Variants in MEAF6 observed in about 807,000 individuals in gnomAD.
The protein encoded by MEAF6 is chromatin modification-related protein MEAF6.
A neutral mutation model predicts 28.9 loss-of-function variants in MEAF6; 15 were observed. The observed-to-expected ratio is 0.52, with a 90% CI of 0.35 to 0.80. The LOEUF (loss-of-function observed/expected upper bound fraction) is 0.80. Ranked by LOEUF, MEAF6 falls within the 30% of genes least tolerant of loss-of-function variation. MEAF6 has a pLI of 0.01. For synonymous variants in MEAF6, 97 were observed against 88.7 expected, an observed-to-expected ratio of 1.09 and a Z score of -0.53; for missense variants, 178 against 237.5, an observed-to-expected ratio of 0.75 and a Z score of 1.65.
intron 4 of MEAF6, among the ~76,000 whole-genome samples, chr1:37,508,527 C>CT (rs1642562317): frequency 6.6e-6 from 1 of 151,958 alleles, no homozygotes; most frequent in Admixed American, 6.6e-5. Flanking sequence ...TCAAGCAATC[C>CT]TCCCACCTCT....
Position 37,494,210 on chromosome 1 carries a change from T to TC in MEAF6, c.568-104dup, listed in dbSNP as rs1307286489. On this transcript the variant is annotated intron_variant, in intron 6 of 6. Transcript: ENST00000296214. ...ATAAACAACTCTACTAGGGGACTGC[T>TC]CTATAGCTAAAGATTATATTTCAGG... 2.2e-5 allele frequency: 21 copies of TC among 946,270 alleles called. No homozygotes were observed. The African/African-American group carries it at 2.3e-4, about 10-fold the overall frequency. 58.6% of individuals were successfully genotyped at this position (946,270 alleles called of 1,614,324 possible).
Position 37,492,036 on chromosome 1 carries a change from T to A in MEAF6, c.*2063A>T, listed in dbSNP as rs1038193868. Among the ~76,000 whole-genome samples, 5 of 149,672 alleles carry A rather than the reference T, an allele frequency of 3.3e-5. No individual in the cohort carries two copies. The highest frequency in any genetic ancestry group is 2.1e-4 in the South Asian group (1 of 4,768). On this transcript the variant is annotated 3_prime_UTR_variant, in exon 7 of 7. Coordinates refer to ENST00000296214, the MANE Select transcript of MEAF6 (RefSeq NM_001270875.3). ...TCAAACTGTTAAGAGTCAAAAATATTTTTTTTTTTTGAGATGGAGTCTCGC... is the reference window on the plus strand; with the variant it reads ...TCAAACTGTTAAGAGTCAAAAATATATTTTTTTTTTGAGATGGAGTCTCGC...
At position 37,491,076 on chromosome 1, in the gene MEAF6, G is replaced by C. The variant is rs193066769; in HGVS notation, c.*3023C>G. Among the ~76,000 whole-genome samples the C allele has an allele frequency of 6.6e-6, 1 of 152,258 alleles. No individual in the cohort carries two copies. Among genetic ancestry groups the C allele is most frequent in the East Asian group, 1.9e-4 (1 of 5,178 alleles). On this transcript the variant is annotated 3_prime_UTR_variant, in exon 7 of 7. Transcript: ENST00000296214. ...GCCTCATTAATTTGGAGTAAGGTTGGGGGGCATAGAAGACAGAATAAATGC... is the reference window on the plus strand; with the variant it reads ...GCCTCATTAATTTGGAGTAAGGTTGCGGGGCATAGAAGACAGAATAAATGC...
intron 6 of MEAF6, among the ~76,000 whole-genome samples, chr1:37,494,602 G>A (rs778757892): frequency 3.3e-5 from 5 of 151,670 alleles, no homozygotes; most frequent in East Asian, 1.9e-4. Flanking sequence ...AGGCCCAGGC[G>A]GGCAGATCAC....
At chr1:37,504,711 G>A (rs1412523760) in intron 4 of MEAF6, among the ~76,000 whole-genome samples, 4 of 144,900 alleles carry the variant, frequency 2.8e-5, no homozygotes, top group Non-Finnish European at 6.0e-5. Context: ...GGTGGAGGTT[G>A]CAGTGAGCCA....
At position 37,492,222 on chromosome 1, in the gene MEAF6, GT is replaced by G. The variant is rs941109938; in HGVS notation, c.*1876del. Among the ~76,000 whole-genome samples, 20 of 151,982 alleles carry G rather than the reference GT, an allele frequency of 1.3e-4. No homozygotes were observed. The highest frequency in any genetic ancestry group is 4.1e-4 in the African/African-American group (17 of 41,358). On this transcript the variant is annotated 3_prime_UTR_variant, in exon 7 of 7. Coordinates refer to ENST00000296214, the MANE Select transcript of MEAF6 (RefSeq NM_001270875.3). ...TTTTTGCATTTTTAGTAGAGATGGGGTTTCACTGTGTTCGCCAGGATGGTCT... is the reference window on the plus strand; with the variant it reads ...TTTTTGCATTTTTAGTAGAGATGGGGTTCACTGTGTTCGCCAGGATGGTCT...
At chr1:37,504,085 T>C (rs1438493458) in intron 4 of MEAF6, among the ~76,000 whole-genome samples, 2 of 152,166 alleles carry the variant, frequency 1.3e-5, no homozygotes, top group Non-Finnish European at 2.9e-5. Context: ...GGGGGTGGTT[T>C]TCCCCATGCT....
chr1:37,496,762 A>G, intron 5 of MEAF6: 1 of 1,587,886 alleles, frequency 6.3e-7, no homozygotes, highest in African/African-American at 1.4e-5. Context: ...TGAAAGGAAG[A>G]AAGCAATAGA....
chr1:37,507,974 C>A (rs529176645), intron 4 of MEAF6, among the ~76,000 whole-genome samples: 78 of 151,898 alleles, frequency 5.1e-4, no homozygotes, highest in Non-Finnish European at 7.4e-4. Context: ...ATCATTGTAC[C>A]AATGCCAACA....
intron 4 of MEAF6, among the ~76,000 whole-genome samples, chr1:37,504,165 A>G (rs1247954094): frequency 6.6e-6 from 1 of 152,148 alleles, no homozygotes; most frequent in African/African-American, 2.4e-5. Context: ...TTCTTCCTTC[A>G]TGCGTGTTCT....
At chr1:37,502,751 G>A (rs1272098535) in intron 4 of MEAF6, among the ~76,000 whole-genome samples, 1 of 151,602 alleles carries the variant, frequency 6.6e-6, no homozygotes, top group East Asian at 1.9e-4. Context: ...CCAAGTAGCT[G>A]GGACTGCAGG....
Position 37,492,879 on chromosome 1 carries a change from CT to C in MEAF6, c.*1219del, listed in dbSNP as rs1226996925. The C allele has an allele frequency of 6.6e-6, 1 of 152,192 alleles. No homozygotes were observed. Among genetic ancestry groups the C allele is most frequent in the Non-Finnish European group, 1.5e-5 (1 of 68,036 alleles). The allele number at this position is 152,192 out of a possible 1,614,324, so 9.4% of individuals were successfully genotyped here. On this transcript the variant is annotated 3_prime_UTR_variant, in exon 7 of 7. Transcript: ENST00000296214. ...GCTTCTTATCAGAATCCCAGGAACT[CT>C]TTTAAAGAAATTCCCAATAACTAGG... is the stretch of plus-strand genomic sequence containing the variant.
chr1:37,495,385 G>A (rs1371409598), intron 6 of MEAF6, among the ~76,000 whole-genome samples: 1 of 149,214 alleles, frequency 6.7e-6, no homozygotes, highest in Non-Finnish European at 1.5e-5. Context: ...AATAAAGTAT[G>A]TGACCTCTTT....
At chr1:37,501,230 A>G (rs1642291940) in intron 5 of MEAF6, among the ~76,000 whole-genome samples, 1 of 152,220 alleles carries the variant, frequency 6.6e-6, no homozygotes, top group African/African-American at 2.4e-5. Flanking sequence ...TTACCTATGA[A>G]GACACTCTCA....
At chr1:37,507,636 T>C (rs929211818) in intron 4 of MEAF6, among the ~76,000 whole-genome samples, 6 of 152,018 alleles carry the variant, frequency 3.9e-5, no homozygotes, top group Non-Finnish European at 7.4e-5. Flanking sequence ...AGAACAATTC[T>C]GTTTTAGATC....
At chr1:37,501,086 C>T (rs769161966) in intron 5 of MEAF6, 2 of 153,928 alleles carry the variant, frequency 1.3e-5, no homozygotes, top group Non-Finnish European at 2.9e-5. Flanking sequence ...TAACAATCCC[C>T]AGCATGATCA....
At chr1:37,503,446 T>G (rs553201949) in intron 4 of MEAF6, among the ~76,000 whole-genome samples, 26 of 152,052 alleles carry the variant, frequency 1.7e-4, no homozygotes, top group Non-Finnish European at 2.2e-4. Flanking sequence ...AGGCCAAATG[T>G]TCAAGACCAG....
At chr1:37,496,528 T>C in intron 5 of MEAF6, 1 of 1,339,358 alleles carries the variant, frequency 7.5e-7, no homozygotes. Context: ...TTTGCTTAAG[T>C]TATTAAATAA....
intron 1 of MEAF6, 53 bp downstream of exon 1, chr1:37,514,604 G>A: frequency 7.2e-7 from 1 of 1,387,794 alleles, no homozygotes; most frequent in East Asian, 3.2e-5. Flanking sequence ...GGGGCCTGGA[G>A]GCGGGGCGGG....
Sources: allele counts gnomAD v4.1 joint callset (sites outside exome capture counted in the v4.1 genomes callset), GRCh38; gene constraint gnomAD v4.1.1; transcripts MANE v1.5; gene names NCBI Gene and HGNC (gene_info 2026-07-23, HGNC 2026-07-21).